The following CEP57L1 variants were observed in gnomAD, a reference collection of about 807,000 sequenced individuals.
The protein encoded by CEP57L1 is centrosomal protein CEP57L1.
In CEP57L1, 37 loss-of-function variants were observed where a neutral mutation model predicts 61.0. The observed-to-expected ratio is 0.61, with a 90% CI of 0.47 to 0.80. CEP57L1 has a LOEUF of 0.80. CEP57L1 is among the 30% of genes least tolerant of loss of function. The pLI is 0.00. For synonymous variants in CEP57L1, 137 were observed against 162.3 expected (o/e 0.84, Z 1.19); for missense variants, 422 against 524.7 (o/e 0.80, Z 1.91).
intron 1 of CEP57L1, among the ~76,000 whole-genome samples, chr6:109,118,510 C>T (rs1282892698): frequency 2.6e-5 from 4 of 152,202 alleles, no homozygotes; most frequent in African/African-American, 7.2e-5. Flanking sequence ...GTCTCTGCAG[C>T]CTATCAACAT....
intron 6 of CEP57L1, 53 bp downstream of exon 6, chr6:109,155,360 AT>A: frequency 1.0e-6 from 1 of 973,982 alleles, no homozygotes; most frequent in Non-Finnish European, 1.5e-6. Context: ...GTTTTATTAT[AT>A]TTTTATTTTC....
intron 3 of CEP57L1, among the ~76,000 whole-genome samples, chr6:109,148,201 C>G (rs1021720271): frequency 6.6e-6 from 1 of 151,872 alleles, no homozygotes; most frequent in Non-Finnish European, 1.5e-5. Context: ...ATGTGCCATG[C>G]TGGTGTGCTG....
At chr6:109,099,693 A>G (rs1583332469) in intron 1 of CEP57L1, among the ~76,000 whole-genome samples, 1 of 152,018 alleles carries the variant, frequency 6.6e-6, no homozygotes, top group East Asian at 1.9e-4. Flanking sequence ...GGGACTACAG[A>G]CACCCGCCAC....
chr6:109,148,751 C>T (rs534859746), intron 3 of CEP57L1, among the ~76,000 whole-genome samples: 4,332 of 152,154 alleles, frequency 0.028, 87 homozygotes, highest in Middle Eastern at 0.051. Flanking sequence ...TAAAAGTGTT[C>T]CTATTTCTCC....
At position 109,173,812 on chromosome 6, in the gene CEP57L1, G is replaced by A. The variant is rs574080301; in HGVS notation, c.*10842G>A. Among the ~76,000 whole-genome samples, 9 of 151,864 alleles carry A rather than the reference G, an allele frequency of 5.9e-5. No homozygotes were observed. Among genetic ancestry groups the A allele is most frequent in the African/African-American group, 2.2e-4 (9 of 41,416 alleles). ...TCAATATGTCACTCAAAAGCCATGT[G>A]TTGGGGCTGAACGTAGTGGCTCACG... On this transcript the variant is annotated 3_prime_UTR_variant, in exon 11 of 11. Coordinates refer to ENST00000517392, the MANE Select transcript of CEP57L1 (RefSeq NM_001271852.3).
intron 1 of CEP57L1, among the ~76,000 whole-genome samples, chr6:109,112,512 T>C (rs939851934): frequency 6.6e-6 from 1 of 152,198 alleles, no homozygotes. Context: ...TCTATCTCCT[T>C]CAGTTCTGCT....
At chr6:109,143,691 T>C (rs1771661857) in intron 1 of CEP57L1, among the ~76,000 whole-genome samples, 1 of 152,134 alleles carries the variant, frequency 6.6e-6, no homozygotes, top group South Asian at 2.1e-4. Flanking sequence ...TTTTAACTGG[T>C]ACAAAATCCG....
chr6:109,132,061 C>T (rs186614417), intron 1 of CEP57L1, among the ~76,000 whole-genome samples: 9 of 152,276 alleles, frequency 5.9e-5, no homozygotes, highest in African/African-American at 2.2e-4. Context: ...CCTGAGAAAT[C>T]CTCATCACAA....
At chr6:109,107,968 A>G (rs1254329303) in intron 1 of CEP57L1, among the ~76,000 whole-genome samples, 1 of 152,124 alleles carries the variant, frequency 6.6e-6, no homozygotes, top group Admixed American at 6.6e-5. Context: ...AAATAAGTTC[A>G]TGTTTGTAAG....
chr6:109,112,515 G>A (rs539785484), intron 1 of CEP57L1, among the ~76,000 whole-genome samples: 1 of 151,910 alleles, frequency 6.6e-6, no homozygotes, highest in Admixed American at 6.6e-5. Flanking sequence ...ATCTCCTTCA[G>A]TTCTGCTCTG....
intron 1 of CEP57L1, among the ~76,000 whole-genome samples, chr6:109,135,474 T>C (rs2114793211): frequency 6.6e-6 from 1 of 152,262 alleles, no homozygotes; most frequent in Non-Finnish European, 1.5e-5. Context: ...GAAGAAAACC[T>C]AGGCAATACC....
At chr6:109,141,478 G>A (rs1284408085) in intron 1 of CEP57L1, among the ~76,000 whole-genome samples, 1 of 152,010 alleles carries the variant, frequency 6.6e-6, no homozygotes, top group Non-Finnish European at 1.5e-5. Flanking sequence ...CTCCCAAAGT[G>A]TTTCCCCAAT....
chr6:109,155,108 T>G (rs1773082122), intron 5 of CEP57L1, 122 bp from the exon 6 acceptor site: 2 of 466,130 alleles, frequency 4.3e-6, no homozygotes, highest in African/African-American at 4.0e-5. Flanking sequence ...TTTTTCTTAT[T>G]TTCTGCCTTA....
chr6:109,142,946 G>C (rs1176107368), intron 1 of CEP57L1, among the ~76,000 whole-genome samples: 1 of 55,478 alleles, frequency 1.8e-5, no homozygotes, highest in Non-Finnish European at 3.7e-5. Context: ...TGTCTCTCTT[G>C]CTCTCTCTCT....
At chr6:109,160,260 A>G (rs1396795108) in intron 9 of CEP57L1, among the ~76,000 whole-genome samples, 1 of 152,238 alleles carries the variant, frequency 6.6e-6, no homozygotes, top group African/African-American at 2.4e-5. Flanking sequence ...ATAACGAGGA[A>G]GAAAGCCCTT....
intron 1 of CEP57L1, among the ~76,000 whole-genome samples, chr6:109,097,182 A>G (rs567789014): frequency 6.6e-6 from 1 of 152,312 alleles, no homozygotes; most frequent in Admixed American, 6.5e-5. Context: ...CCAAATTATT[A>G]TGAAGTTCTG....
chr6:109,124,099 A>G (rs777188305), intron 1 of CEP57L1, among the ~76,000 whole-genome samples: 1 of 151,860 alleles, frequency 6.6e-6, no homozygotes, highest in Non-Finnish European at 1.5e-5. Context: ...AACCACTTCT[A>G]TTGCCTTATC....
At position 109,153,846 on chromosome 6, in the gene CEP57L1, G is replaced by C. The variant is rs768328243; in HGVS notation, c.476G>C (p.Arg159Thr). The C allele has an allele frequency of 6.2e-6, 10 of 1,608,950 alleles. No homozygotes were observed. The highest frequency in any genetic ancestry group is 7.6e-6 in the Non-Finnish European group (9 of 1,177,532). Residue 159 changes from arginine (R) to threonine (T), a missense_variant, in exon 5 of 11, where the codon AGG (arginine) becomes ACG (threonine). By Grantham distance (71) the Arg-to-Thr change is moderately conservative (BLOSUM62 -1). Coordinates refer to ENST00000517392, the MANE Select transcript of CEP57L1 (RefSeq NM_001271852.3). ...TATCCTTTCTAGGCCCAGCTTCAGA[G>C]GGAAAAAGAACAAGATCAGATGAAG... The part of the protein sequence containing the change: ...MILEQQAQLQ[R>T]EKEQDQMKLY...
At chr6:109,161,277 A>G (rs995700941) in intron 10 of CEP57L1, among the ~76,000 whole-genome samples, 2 of 152,220 alleles carry the variant, frequency 1.3e-5, no homozygotes, top group African/African-American at 2.4e-5. Context: ...GTAATAACTA[A>G]GAATAGCTAA....
Sources: gnomAD v4.1 joint callset for allele counts (sites outside exome capture counted in the v4.1 genomes callset) on GRCh38, gnomAD v4.1.1 for gene constraint, MANE v1.5 for transcripts, NCBI Gene and HGNC (gene_info 2026-07-23, HGNC 2026-07-21) for gene names.